The following MRTFB variants were observed in gnomAD, a reference collection of about 807,000 sequenced individuals.
The protein encoded by MRTFB is myocardin related transcription factor B, also known as myocardin-related transcription factor B.
In MRTFB, 29 loss-of-function variants were observed where a neutral mutation model predicts 104.2. That is an observed-to-expected ratio of 0.28 (90% CI 0.21 to 0.38). MRTFB has a LOEUF of 0.38. Ranked by LOEUF, MRTFB falls within the 10% of genes least tolerant of loss-of-function variation. The probability of loss-of-function intolerance (pLI) is 1.00; values close to 1 mark genes in which losing one functional copy is unlikely to be tolerated. For missense variants in MRTFB, 1,270 were observed against 1,341.6 expected, an observed-to-expected ratio of 0.95 and a Z score of 0.83; for synonymous variants, 535 against 519.5, an observed-to-expected ratio of 1.03 and a Z score of -0.41.
chr16:14,030,755 C>T, the MRTFB span, among the ~76,000 whole-genome samples: 2 of 152,190 alleles, frequency 1.3e-5, no homozygotes, highest in Non-Finnish European at 2.9e-5. Context: ...GATCCTGAGT[C>T]TGTGCTTTTA....
intron 9 of MRTFB, among the ~76,000 whole-genome samples, chr16:14,238,073 A>G (rs2042600780): frequency 2.6e-5 from 4 of 152,108 alleles, no homozygotes. Context: ...AGCAGGGGTA[A>G]GTTTGCCTCC....
intron 2 of MRTFB, among the ~76,000 whole-genome samples, chr16:14,111,744 C>T (rs2036278002): frequency 6.6e-6 from 1 of 152,130 alleles, no homozygotes; most frequent in Middle Eastern, 3.2e-3. Context: ...GTGTTGTGTC[C>T]ATTCATCGTT....
At chr16:14,093,414 G>A (rs1421368454) in intron 2 of MRTFB, among the ~76,000 whole-genome samples, 1 of 151,864 alleles carries the variant, frequency 6.6e-6, no homozygotes, top group Non-Finnish European at 1.5e-5. Context: ...GTACAGATGT[G>A]AGCCATTTTT....
chr16:14,140,688 G>A lies in MRTFB; in HGVS notation c.82G>A (p.Val28Met), dbSNP rs1427246031. The change falls in exon 3 of 17, where the codon GTG (valine) becomes ATG (methionine). Residue 28 changes from valine (V) to methionine (M), a missense_variant. Physicochemically the swap from Val to Met is conservative, Grantham distance 21. Around this residue, in one of 3 missense-constraint regions of MRTFB, gnomAD observed 62 missense variants for 57.2 expected, o/e 1.08. Coordinates refer to ENST00000571589, the MANE Select transcript of MRTFB (RefSeq NM_001308142.2). ...HLAPSPQSEA[V>M]AHEFQELSLQ... ...TGCTCCAAGTCCTCAGAGTGAAGCTGTGGCTCATGAATTCCAGGAACTCTC... is the reference window on the plus strand; with the variant it reads ...TGCTCCAAGTCCTCAGAGTGAAGCTATGGCTCATGAATTCCAGGAACTCTC... The A allele has an allele frequency of 6.2e-7, 1 of 1,614,184 alleles. No individual in the cohort carries two copies. Among genetic ancestry groups the A allele is most frequent in the East Asian group, 2.2e-5 (1 of 44,876 alleles).
At chr16:14,082,590 T>G (rs1251651365) in intron 2 of MRTFB, among the ~76,000 whole-genome samples, 1 of 152,134 alleles carries the variant, frequency 6.6e-6, no homozygotes, top group African/African-American at 2.4e-5. Flanking sequence ...CGAGACCAGC[T>G]GGGTGACAAA....
chr16:14,101,249 A>G (rs1453834259), intron 2 of MRTFB, among the ~76,000 whole-genome samples: 1 of 151,728 alleles, frequency 6.6e-6, no homozygotes, highest in East Asian at 1.9e-4. Context: ...AGAAGTTAAG[A>G]CACAAAGTTA....
intron 2 of MRTFB, among the ~76,000 whole-genome samples, chr16:14,084,254 A>C (rs1357625325): frequency 6.6e-6 from 1 of 152,176 alleles, no homozygotes; most frequent in African/African-American, 2.4e-5. Context: ...AAGAAGCTTT[A>C]AGACTAGGCA....
Position 14,251,878 on chromosome 16 carries a change from C to T in MRTFB, c.2420C>T (p.Ala807Val), listed in dbSNP as rs754709845. Residue 807 changes from alanine to valine, a missense_variant, in exon 14 of 17, where the codon GCA (alanine) becomes GTA (valine). Ala to Val is a moderately conservative substitution (Grantham distance 64). Around this residue, in one of 3 missense-constraint regions of MRTFB, gnomAD observed 1,144 missense variants for 1,131.5 expected, o/e 1.01. Coordinates refer to ENST00000571589, the MANE Select transcript of MRTFB (RefSeq NM_001308142.2). ...QQVRKVFTNS[A>V]SSNTVLPYQR... ...TCATTACAGGTTTTCACAAACTCAG[C>T]ATCATCAAATACAGTTCTTCCATAT... 3 of 1,614,012 alleles carry T rather than the reference C, an allele frequency of 1.9e-6. No individual in the cohort carries two copies. Among genetic ancestry groups the T allele is most frequent in the Admixed American group, 1.7e-5 (1 of 59,962 alleles).
intron 10 of MRTFB, among the ~76,000 whole-genome samples, chr16:14,243,864 G>GTTTTTTTTTTTGTTTTTTTTTTTTTTTTT (rs2042891129): frequency 8.0e-6 from 1 of 124,676 alleles, no homozygotes; most frequent in African/African-American, 3.8e-5. Flanking sequence ...CCTGTTTTGG[G>GTTTTTTTTTTTGTTTTTTTTTTTTTTTTT]TTTTTTTTTT....
chr16:14,245,667 A>T lies in MRTFB; in HGVS notation c.1212+7A>T, dbSNP rs542158455. 1.2e-6 allele frequency: 2 copies of T among 1,605,162 alleles called. No individual in the cohort carries two copies. Among genetic ancestry groups the T allele is most frequent in the African/African-American group, 2.7e-5 (2 of 74,424 alleles). ...TAGCCTGGATGACTTAAAGGTGACAATTGCAACTGGAGCTTATTCACCCCT... is the reference window on the plus strand; with the variant it reads ...TAGCCTGGATGACTTAAAGGTGACATTTGCAACTGGAGCTTATTCACCCCT... On this transcript the variant is annotated splice_region_variant and intron_variant, in intron 11 of 16. Coordinates refer to ENST00000571589, the MANE Select transcript of MRTFB (RefSeq NM_001308142.2).
chr16:14,097,955 AATTTGT>A (rs896372195), intron 2 of MRTFB, among the ~76,000 whole-genome samples: 4 of 151,918 alleles, frequency 2.6e-5, no homozygotes, highest in Non-Finnish European at 4.4e-5. Flanking sequence ...GATATGCCAC[AATTTGT>A]ATATCTGTTC....
At chr16:14,197,188 G>T (rs1446069678) in intron 3 of MRTFB, among the ~76,000 whole-genome samples, 1 of 151,792 alleles carries the variant, frequency 6.6e-6, no homozygotes, top group Admixed American at 6.6e-5. Context: ...TGGCCAGGCT[G>T]GTCTCGAACT....
At chr16:14,035,878 T>A in the MRTFB span, among the ~76,000 whole-genome samples, 2 of 151,474 alleles carry the variant, frequency 1.3e-5, no homozygotes, top group Non-Finnish European at 2.9e-5. Flanking sequence ...CTCACCACCT[T>A]CCCACCCTTT....
chr16:14,065,459 C>G, the MRTFB span, among the ~76,000 whole-genome samples: 1 of 152,144 alleles, frequency 6.6e-6, no homozygotes, highest in South Asian at 2.1e-4. Context: ...ATTTCTTTCT[C>G]TTGCCTGATT....
At chr16:14,191,926 TTAAAA>T (rs1262597946) in intron 3 of MRTFB, 1 of 152,148 alleles carries the variant, frequency 6.6e-6, no homozygotes, top group Non-Finnish European at 1.5e-5. Context: ...AAATAGACAA[TTAAAA>T]TAAATGGTTA....
At chr16:14,054,816 C>T in the MRTFB span, among the ~76,000 whole-genome samples, 4 of 152,186 alleles carry the variant, frequency 2.6e-5, no homozygotes, top group Non-Finnish European at 4.4e-5. Context: ...AAGGGCCTTA[C>T]TTCTTATACC....
chr16:14,084,954 A>T (rs1211427018), intron 2 of MRTFB, among the ~76,000 whole-genome samples: 1 of 152,224 alleles, frequency 6.6e-6, no homozygotes, highest in Non-Finnish European at 1.5e-5. Flanking sequence ...CGTAGGCAAT[A>T]TAGTGAGACC....
Position 14,127,267 on chromosome 16 carries a change from T to G in MRTFB, c.-63-13277T>G, listed in dbSNP as rs574836331. 5.7e-4 allele frequency among the ~76,000 whole-genome samples: 86 copies of G among 152,078 alleles called. 1 individual carries two copies. The highest frequency in any genetic ancestry group is 8.5e-4 in the Admixed American group (13 of 15,268). On this transcript the variant is annotated intron_variant, in intron 2 of 16. Coordinates refer to ENST00000571589, the MANE Select transcript of MRTFB (RefSeq NM_001308142.2). ...AAATTTCAGATGACACAAAACGGAG[T>G]GAAGGTATTACAAAATGGAACAATA...
At chr16:14,236,020 G>A (rs535687207) in intron 9 of MRTFB, among the ~76,000 whole-genome samples, 136 of 152,138 alleles carry the variant, frequency 8.9e-4, no homozygotes, top group African/African-American at 3.2e-3. Context: ...TCTCTATAAA[G>A]TGTACAAAAA....
Sources: gnomAD v4.1 joint callset for allele counts (sites outside exome capture counted in the v4.1 genomes callset) on GRCh38, gnomAD v4.1.1 for gene constraint, gnomAD v4.1.1 regional missense constraint, MANE v1.5 for transcripts, NCBI Gene and HGNC (gene_info 2026-07-23, HGNC 2026-07-21) for gene names.